Variants in MLIP observed in about 807,000 individuals in gnomAD.
MLIP encodes the protein muscular LMNA interacting protein.
MLIP carries 79 observed loss-of-function variants against 84.8 expected under a neutral mutation model. The ratio of observed to expected loss-of-function variants is 0.93; its 90% CI spans 0.78 to 1.12. The LOEUF is 1.12. MLIP is among the 50% of genes most tolerant of loss of function. The pLI, the probability that MLIP is intolerant of heterozygous loss-of-function variation, is 0.00. For synonymous variants in MLIP, 504 were observed against 463.0 expected, an observed-to-expected ratio of 1.09 and a Z score of -1.14; for missense variants, 1,257 against 1,160.6, an observed-to-expected ratio of 1.08 and a Z score of -1.21.
At chr6:54,125,815 G>A (rs1380265773) in intron 3 of MLIP, among the ~76,000 whole-genome samples, 3 of 152,066 alleles carry the variant, frequency 2.0e-5, no homozygotes, top group East Asian at 3.9e-4. Context: ...TTTTACTGGC[G>A]TGTTGGTCTT....
At chr6:54,163,462 G>A (rs1354660619) in intron 8 of MLIP, among the ~76,000 whole-genome samples, 1 of 150,932 alleles carries the variant, frequency 6.6e-6, no homozygotes, top group East Asian at 2.0e-4. Context: ...CTTTCCTTAG[G>A]CAATTTTGAT....
chr6:54,194,673 A>G (rs1449761042), intron 10 of MLIP, among the ~76,000 whole-genome samples: 1 of 151,956 alleles, frequency 6.6e-6, no homozygotes, highest in African/African-American at 2.4e-5. Flanking sequence ...AATTTATTTT[A>G]TGCTGTTTTT....
At chr6:54,157,353 C>T (rs983344098) in intron 5 of MLIP, among the ~76,000 whole-genome samples, 63 of 152,222 alleles carry the variant, frequency 4.1e-4, no homozygotes, top group African/African-American at 1.5e-3. Context: ...TTGCAAGTTC[C>T]CCTCTTCACT....
intron 4 of MLIP, among the ~76,000 whole-genome samples, chr6:54,143,337 C>T (rs992786283): frequency 6.6e-6 from 1 of 151,742 alleles, no homozygotes; most frequent in Non-Finnish European, 1.5e-5. Flanking sequence ...CCTGCCTCAG[C>T]TGGGATTACA....
chr6:54,143,379 T>G (rs1772497320), intron 4 of MLIP, among the ~76,000 whole-genome samples: 1 of 152,108 alleles, frequency 6.6e-6, no homozygotes, highest in South Asian at 2.1e-4. Context: ...CTAAGTTTTG[T>G]ATTTTTAGTA....
chr6:54,249,038 T>G (rs1274430020), intron 12 of MLIP, among the ~76,000 whole-genome samples: 1 of 152,136 alleles, frequency 6.6e-6, no homozygotes, highest in East Asian at 1.9e-4. Context: ...CAGTTAAGAT[T>G]GGGGAGTTCA....
chr6:54,215,409 A>C (rs9464035), intron 11 of MLIP: 2 of 1,242,110 alleles, frequency 1.6e-6, no homozygotes, highest in African/African-American at 1.6e-5. Flanking sequence ...CATACTAATA[A>C]GTATTTGTGA....
At chr6:54,190,605 A>AC (rs1287222274) in intron 10 of MLIP, among the ~76,000 whole-genome samples, 2 of 152,118 alleles carry the variant, frequency 1.3e-5, no homozygotes, top group Non-Finnish European at 2.9e-5. Flanking sequence ...CTGCCTAGTC[A>AC]CAAGAGCTCA....
chr6:54,226,130 C>G (rs944189715), intron 11 of MLIP, among the ~76,000 whole-genome samples: 1 of 152,188 alleles, frequency 6.6e-6, no homozygotes, highest in Non-Finnish European at 1.5e-5. Flanking sequence ...AAGGTAAAAG[C>G]TATTTAAGAA....
At chr6:54,264,502 CT>C (rs1446252809) in intron 13 of MLIP, among the ~76,000 whole-genome samples, 1 of 152,052 alleles carries the variant, frequency 6.6e-6, no homozygotes, top group Non-Finnish European at 1.5e-5. Flanking sequence ...CAATTTTATT[CT>C]TTGTAAAATG....
intron 1 of MLIP, among the ~76,000 whole-genome samples, chr6:54,025,432 G>T (rs1025905925): frequency 6.6e-6 from 1 of 152,102 alleles, no homozygotes. Context: ...AATCTCTGGC[G>T]GTAAGGTACT....
intron 1 of MLIP, among the ~76,000 whole-genome samples, chr6:54,074,465 C>T (rs1002522560): frequency 5.3e-5 from 8 of 152,064 alleles, no homozygotes; most frequent in East Asian, 1.9e-4. Context: ...CTTTTGATTA[C>T]AGTGCAAGTA....
At chr6:54,150,758 CTG>C (rs1269122752) in intron 5 of MLIP, among the ~76,000 whole-genome samples, 2 of 152,120 alleles carry the variant, frequency 1.3e-5, no homozygotes, top group African/African-American at 2.4e-5. Context: ...GAATCTCTGT[CTG>C]TTAGGATTGT....
At chr6:54,241,122 T>C (rs1339872560) in intron 12 of MLIP, among the ~76,000 whole-genome samples, 6 of 152,036 alleles carry the variant, frequency 3.9e-5, no homozygotes, top group African/African-American at 1.4e-4. Context: ...GACGTTTCTT[T>C]TTTTTTGCCT....
intron 3 of MLIP, among the ~76,000 whole-genome samples, chr6:54,130,395 A>G (rs1459255389): frequency 6.6e-6 from 1 of 152,064 alleles, no homozygotes; most frequent in African/African-American, 2.4e-5. Flanking sequence ...GTCAGAGGCA[A>G]TGTTCTTCCT....
In MLIP at chr6:54,230,710, C is replaced by A. The variant is rs1286423520; in HGVS notation, c.2719-4C>A. 1 of 1,613,672 alleles carries A rather than the reference C, an allele frequency of 6.2e-7. No homozygotes were observed. Among genetic ancestry groups the A allele is most frequent in the Non-Finnish European group, 8.5e-7 (1 of 1,179,716 alleles). On this transcript the variant is annotated splice_region_variant and splice_polypyrimidine_tract_variant and intron_variant, in intron 11 of 13. Transcript: ENST00000502396. ...CCTCTTATGCCTTTCTTCTTCCCCA[C>A]CAGGATGTAACAGTCCCTCCCAAGC...
intron 13 of MLIP, among the ~76,000 whole-genome samples, chr6:54,260,775 A>T (rs535181860): frequency 6.6e-6 from 1 of 152,132 alleles, no homozygotes; most frequent in East Asian, 1.9e-4. Context: ...CATTAGTAAA[A>T]TTTAATACTT....
At chr6:54,240,868 C>T (rs1378176202) in intron 12 of MLIP, among the ~76,000 whole-genome samples, 1 of 151,994 alleles carries the variant, frequency 6.6e-6, no homozygotes, top group African/African-American at 2.4e-5. Context: ...CCCAGCTACT[C>T]GAGAGGCTGA....
At chr6:54,025,066 C>A (rs1312136528) in intron 1 of MLIP, among the ~76,000 whole-genome samples, 3 of 149,854 alleles carry the variant, frequency 2.0e-5, no homozygotes, top group Non-Finnish European at 4.4e-5. Context: ...CCAGGCTAGT[C>A]TCGAACTCCT....
Sources: gnomAD v4.1 joint callset for allele counts (sites outside exome capture counted in the v4.1 genomes callset) on GRCh38, gnomAD v4.1.1 for gene constraint, MANE v1.5 for transcripts, NCBI Gene and HGNC (gene_info 2026-07-23, HGNC 2026-07-21) for gene names.